COQ4: variants seen among roughly 807,000 people sequenced by gnomAD.
COQ4 encodes coenzyme Q4.
A neutral mutation model predicts 30.2 loss-of-function variants in COQ4; 36 were observed. The ratio of observed to expected loss-of-function variants is 1.19; its 90% confidence interval spans 0.91 to 1.57. COQ4 has a LOEUF of 1.57. Ranked by LOEUF, COQ4 falls within the 40% of genes most tolerant of loss-of-function variation. COQ4 has a pLI of 0.00. For synonymous variants in COQ4, 197 were observed against 161.0 expected (o/e 1.22, Z -1.69); for missense variants, 369 against 371.9 (o/e 0.99, Z 0.07).
rs1011906777 is a variant in COQ4, at chr9:128,332,040, G to C, written c.403-113G>C. On this transcript the variant is annotated intron_variant, in intron 4 of 6. Transcript: ENST00000300452. ...CCTCGGCCCCTGGCCAGTCGCCAGAGTTTTCTAGTAGGTATGAGTTAGGTG... is the reference window on the plus strand; with the variant it reads ...CCTCGGCCCCTGGCCAGTCGCCAGACTTTTCTAGTAGGTATGAGTTAGGTG... The C allele has an allele frequency of 6.1e-6, 8 of 1,321,574 alleles. No individual in the cohort carries two copies. The African/African-American group carries it at 8.8e-5, about 15-fold the overall frequency. The allele number at this position is 1,321,574 out of a possible 1,614,324, so 81.9% of individuals were successfully genotyped here. A position where few individuals can be genotyped will look rare whatever the true frequency, so the allele number is the denominator to read the frequency against.
chr9:128,333,847 G>A lies in COQ4; in HGVS notation c.*202G>A. On this transcript the variant is annotated 3_prime_UTR_variant, in exon 7 of 7. Transcript: ENST00000300452. The stretch of plus-strand genomic sequence containing the variant: ...AGCAGTACAGTGGCATTCCCAGGGG[G>A]ACCAGCAGCTACCCAAGGAGAACCA... 2.3e-6 allele frequency: 1 copy of A among 429,358 alleles called. No individual in the cohort carries two copies. The allele number at this position is 429,358 out of a possible 1,614,324, so 26.6% of individuals were successfully genotyped here.
At chr9:128,323,302 A>C in intron 2 of COQ4, 155 bp downstream of exon 2, 1 of 744,774 alleles carries the variant, frequency 1.3e-6, no homozygotes, top group Non-Finnish European at 2.1e-6. Context: ...TCCCACCTAA[A>C]CGCACTGAAT....
At chr9:128,326,304 T>C (rs915587613) in intron 4 of COQ4, 5 of 216,962 alleles carry the variant, frequency 2.3e-5, no homozygotes, top group Non-Finnish European at 4.5e-5. Context: ...TGTATCCCTT[T>C]ATTCCAGGGA....
At chr9:128,330,907 G>T (rs997727647) in intron 4 of COQ4, 2 of 148,076 alleles carry the variant, frequency 1.4e-5, no homozygotes, top group African/African-American at 2.5e-5. Context: ...GCGCGATCTC[G>T]GCTCGCTGCA....
chr9:128,328,380 C>T (rs1020174443), intron 4 of COQ4, among the ~76,000 whole-genome samples: 1 of 152,228 alleles, frequency 6.6e-6, no homozygotes, highest in South Asian at 2.1e-4. Flanking sequence ...TGCCAAATGG[C>T]GAGCCAGTCT....
chr9:128,324,162 A>G (rs1832275963), intron 2 of COQ4, among the ~76,000 whole-genome samples: 2 of 152,044 alleles, frequency 1.3e-5, no homozygotes, highest in Non-Finnish European at 2.9e-5. Flanking sequence ...TATTTTTAGT[A>G]GAGACGGGAT....
chr9:128,325,855 G>A lies in COQ4; in HGVS notation c.376G>A (p.Glu126Lys), dbSNP rs149398860. 4.0e-4 allele frequency: 648 copies of A among 1,614,026 alleles called. No homozygotes were observed. The highest frequency in any genetic ancestry group is 5.0e-4 in the Non-Finnish European group (594 of 1,180,026). Residue 126 changes from glutamate (E) to lysine (K), a missense_variant, in exon 4 of 7, where the codon GAG becomes AAG. By Grantham distance (56) the Glu-to-Lys change is moderately conservative. Transcript: ENST00000300452. The stretch of plus-strand genomic sequence containing the variant: ...CCTGCCGGAAGGCTCCCTCGGTCGC[G>A]AGTATCTCCGTTTCCTGGATGTGAA... ...QSLPEGSLGREYLRFLDVNRV... is the reference protein window; with the variant it reads ...QSLPEGSLGRKYLRFLDVNRV...
chr9:128,327,078 T>C (rs1309755030), intron 4 of COQ4, among the ~76,000 whole-genome samples: 2 of 152,146 alleles, frequency 1.3e-5, no homozygotes, highest in African/African-American at 4.8e-5. Context: ...GGGGATATAA[T>C]GGTGAACTAG....
rs565198792 is a variant in COQ4 at position 128,325,178 on chromosome 9, C to A, written c.238C>A (p.Arg80Ser). 3 of 1,614,098 alleles carry A rather than the reference C, an allele frequency of 1.9e-6. No individual in the cohort carries two copies. In the South Asian group the frequency reaches 3.3e-5, roughly 18 times the overall value. Residue 80 changes from arginine to serine, a missense_variant, in exon 3 of 7, where the codon CGC becomes AGC. By Grantham distance (110) the Arg-to-Ser change is moderately radical (BLOSUM62 -1). Transcript: ENST00000300452. ...VAVLGETTGH[R>S]TLKVLRDQMR... The stretch of plus-strand genomic sequence containing the variant: ...AGTTCTAGGGGAGACCACAGGACAC[C>A]GCACCCTGAAGGTCCTCAGGGACCA...
chr9:128,323,175 G>A, intron 2 of COQ4, 28 bp downstream of exon 2: 1 of 1,563,246 alleles, frequency 6.4e-7, no homozygotes, highest in Non-Finnish European at 8.6e-7. Context: ...TCGCCCCCGT[G>A]GGGGCGGCTT....
chr9:128,331,921 G>T, intron 4 of COQ4: 1 of 410,648 alleles, frequency 2.4e-6, no homozygotes, highest in East Asian at 4.5e-5. Flanking sequence ...TAGAGACAGG[G>T]TTTCACCGTA....
At chr9:128,332,384 C>A in intron 5 of COQ4, 102 bp downstream of exon 5, 1 of 1,303,764 alleles carries the variant, frequency 7.7e-7, no homozygotes, top group South Asian at 1.4e-5. Context: ...TGGCTTGGTG[C>A]CTCAATTTCT....
In COQ4 at chr9:128,325,224, G is replaced by A. The variant is rs779568890; in HGVS notation, c.284G>A (p.Gly95Asp). The A allele has an allele frequency of 5.0e-6, 8 of 1,613,730 alleles. No individual in the cohort carries two copies. The highest frequency in any genetic ancestry group is 6.8e-6 in the Non-Finnish European group (8 of 1,179,686). ...GACCAGATGAGGAGGGATCCAGAGG[G>A]TGCCCAGATCCTGCAGTAGGTCCCA... is the stretch of plus-strand genomic sequence containing the variant. ...LRDQMRRDPE[G>D]AQILQERPRI... is the part of the protein sequence containing the mutation. Residue 95 changes from glycine to aspartate, a missense_variant, in exon 3 of 7, where the codon GGT (glycine) becomes GAT (aspartate). Physicochemically the swap from Gly to Asp is moderately conservative, Grantham distance 94. Transcript: ENST00000300452.
chr9:128,333,092 G>T, intron 6 of COQ4, 149 bp downstream of exon 6: 1 of 689,744 alleles, frequency 1.4e-6, no homozygotes. Context: ...AAAGAATGGA[G>T]CAGAGATGTG....
chr9:128,328,901 C>CCG (rs1564392323), intron 4 of COQ4, among the ~76,000 whole-genome samples: 1 of 152,180 alleles, frequency 6.6e-6, no homozygotes, highest in Non-Finnish European at 1.5e-5. Context: ...CCTTGCTCAG[C>CCG]CACAGCCCCA....
At chr9:128,327,316 G>T (rs1221468630) in intron 4 of COQ4, among the ~76,000 whole-genome samples, 1 of 151,702 alleles carries the variant, frequency 6.6e-6, no homozygotes, top group African/African-American at 2.4e-5. Flanking sequence ...GATGGTGTGC[G>T]CCTGTAATCC....
chr9:128,326,145 A>C (rs558723290), intron 4 of COQ4: 22 of 575,596 alleles, frequency 3.8e-5, no homozygotes, highest in Middle Eastern at 9.1e-4. Flanking sequence ...GAATCCCCCC[A>C]CAACTCTGTC....
chr9:128,332,357 C>G (rs965379941), intron 5 of COQ4, 75 bp downstream of exon 5: 2 of 1,516,192 alleles, frequency 1.3e-6, no homozygotes, highest in Admixed American at 1.8e-5. Context: ...CCTATCTCCA[C>G]CACCCTCTGC....
intron 4 of COQ4, 77 bp from the exon 5 acceptor site, chr9:128,332,076 C>G: frequency 6.7e-7 from 1 of 1,482,268 alleles, no homozygotes; most frequent in Non-Finnish European, 9.1e-7. Flanking sequence ...AGAGTTGTGA[C>G]GGTGTCAGAG....
Sources: allele counts gnomAD v4.1 joint callset (sites outside exome capture counted in the v4.1 genomes callset), GRCh38; gene constraint gnomAD v4.1.1; transcripts MANE v1.5; gene names NCBI Gene and HGNC (gene_info 2026-07-23, HGNC 2026-07-21).